Variants in CUL1 observed in about 807,000 individuals in gnomAD.
CUL1 encodes the protein cullin-1.
Under a neutral mutation model 118.0 loss-of-function variants are expected in CUL1, and 24 were observed. That is an observed-to-expected ratio of 0.20 (90% CI 0.15 to 0.29). The LOEUF is 0.29. Ranked by LOEUF, CUL1 falls within the 10% of genes least tolerant of loss-of-function variation. The pLI, the probability that CUL1 is intolerant of heterozygous loss-of-function variation, is 1.00. For synonymous variants in CUL1, 332 were observed against 340.4 expected (o/e 0.98, Z 0.27); for missense variants, 361 against 933.8 (o/e 0.39, Z 7.99).
In CUL1 at chr7:148,762,647, C is replaced by T. The variant is rs572734367; in HGVS notation, c.789+2151C>T. ...TGAAACTCTGCTGTATATGGTGATT[C>T]TTTTAAAACTATATATCCCAAAGAC... is the stretch of plus-strand genomic sequence containing the variant. On this transcript the variant is annotated intron_variant, in intron 7 of 21. Transcript: ENST00000325222. Among the ~76,000 whole-genome samples the T allele has an allele frequency of 2.2e-3, 341 of 152,352 alleles. 3 individuals carry two copies. Among genetic ancestry groups the T allele is most frequent in the Non-Finnish European group, 3.8e-3 (257 of 68,028 alleles).
chr7:148,727,472 G>A (rs1235982409), intron 1 of CUL1, among the ~76,000 whole-genome samples: 2 of 152,062 alleles, frequency 1.3e-5, no homozygotes, highest in Non-Finnish European at 2.9e-5. Context: ...AATATGTATT[G>A]AGCGGCATGC....
At chr7:148,716,749 CTTTCTTTT>C (rs1798226710) in intron 1 of CUL1, among the ~76,000 whole-genome samples, 1 of 152,306 alleles carries the variant, frequency 6.6e-6, no homozygotes, top group South Asian at 2.1e-4. Flanking sequence ...TGTGGAGGTC[CTTTCTTTT>C]TTTCTTAACA....
At chr7:148,764,262 A>G (rs921962678) in intron 7 of CUL1, among the ~76,000 whole-genome samples, 21 of 152,314 alleles carry the variant, frequency 1.4e-4, no homozygotes, top group African/African-American at 4.3e-4. Flanking sequence ...TGGTGTTCTA[A>G]TACAACAGTC....
intron 1 of CUL1, among the ~76,000 whole-genome samples, chr7:148,703,957 G>A (rs2129458802): frequency 6.6e-6 from 1 of 152,296 alleles, no homozygotes; most frequent in African/African-American, 2.4e-5. Flanking sequence ...TCAAGATGGA[G>A]AAGACCTAGA....
At chr7:148,714,918 C>T (rs1009237446) in intron 1 of CUL1, among the ~76,000 whole-genome samples, 1 of 152,146 alleles carries the variant, frequency 6.6e-6, no homozygotes, top group East Asian at 1.9e-4. Flanking sequence ...GAGGGTCTTG[C>T]CCTGTCCCTC....
At chr7:148,780,406 G>A (rs117301841) in intron 9 of CUL1, among the ~76,000 whole-genome samples, 1 of 152,304 alleles carries the variant, frequency 6.6e-6, no homozygotes, top group East Asian at 1.9e-4. Context: ...ACAATAAAAC[G>A]TTGAAAAGAA....
At chr7:148,698,863 GGGA>G (rs899971076), upstream of CUL1, 154 of 156,242 alleles carry the variant, frequency 9.9e-4, no homozygotes, top group African/African-American at 3.5e-3. Context: ...GGGCGGGCAG[GGGA>G]GGAGGAGGAG....
intron 9 of CUL1, among the ~76,000 whole-genome samples, chr7:148,779,549 G>A (rs901665462): frequency 2.0e-5 from 3 of 152,228 alleles, no homozygotes; most frequent in East Asian, 3.8e-4. Flanking sequence ...TTCTAAGAAC[G>A]AAGAAGGCAG....
At position 148,734,436 on chromosome 7, in the gene CUL1, G is replaced by GT. The variant is rs1400365998; in HGVS notation, c.140+4177dup. 2.0e-5 allele frequency among the ~76,000 whole-genome samples: 3 copies of GT among 152,226 alleles called. No individual in the cohort carries two copies. The South Asian group carries it at 6.2e-4, about 32-fold the overall frequency. On this transcript the variant is annotated intron_variant, in intron 2 of 21. Coordinates refer to ENST00000325222, the MANE Select transcript of CUL1 (RefSeq NM_003592.3). ...TTTTTGTATTTTTTGTAGATACAGG[G>GT]TTTCACCATGTTGCCCAGGCTGGTC...
intron 9 of CUL1, among the ~76,000 whole-genome samples, chr7:148,774,639 AGT>A (rs1800337684): frequency 6.6e-6 from 1 of 152,212 alleles, no homozygotes; most frequent in Admixed American, 6.5e-5. Context: ...TCAGGGCAGA[AGT>A]AGCAACAAAA....
chr7:148,754,856 C>T (rs927592648), intron 3 of CUL1, among the ~76,000 whole-genome samples: 2 of 152,014 alleles, frequency 1.3e-5, no homozygotes, highest in African/African-American at 4.8e-5. Flanking sequence ...AAACAATCCT[C>T]CCGCCTTAGC....
At chr7:148,730,433 T>G (rs1798722628) in intron 2 of CUL1, among the ~76,000 whole-genome samples, 171 bp downstream of exon 2, 1 of 152,236 alleles carries the variant, frequency 6.6e-6, no homozygotes, top group African/African-American at 2.4e-5. Flanking sequence ...CTGGTTCATT[T>G]TTAGTCAAAT....
At chr7:148,793,616 T>C (rs951631006) in intron 17 of CUL1, among the ~76,000 whole-genome samples, 20 of 152,252 alleles carry the variant, frequency 1.3e-4, no homozygotes, top group Non-Finnish European at 2.2e-4. Flanking sequence ...TGTTCTAGCA[T>C]GTGTTGGTAC....
chr7:148,773,572 C>T (rs994103614), intron 9 of CUL1, among the ~76,000 whole-genome samples: 1 of 152,184 alleles, frequency 6.6e-6, no homozygotes, highest in African/African-American at 2.4e-5. Context: ...TAGCCTCTTA[C>T]CCAGCGAGGA....
Position 148,783,951 on chromosome 7 carries a change from CTA to C in CUL1, c.1192-16_1192-15del. 1 of 1,613,872 alleles carries C rather than the reference CTA, an allele frequency of 6.2e-7. No individual in the cohort carries two copies. Among genetic ancestry groups the C allele is most frequent in the Non-Finnish European group, 8.5e-7 (1 of 1,179,794 alleles). Reference sequence around the variant, plus strand: ...GTATGGATGGGGCGTTTGTCTCTAACTATATTCCGTGTAACGCAGGCTTGTGG... The same window carrying C: ...GTATGGATGGGGCGTTTGTCTCTAACTATTCCGTGTAACGCAGGCTTGTGG... On this transcript the variant is annotated intron_variant, in intron 10 of 21. Transcript: ENST00000325222.
chr7:148,747,198 G>A (rs1039249820), intron 2 of CUL1, among the ~76,000 whole-genome samples: 1 of 152,086 alleles, frequency 6.6e-6, no homozygotes, highest in African/African-American at 2.4e-5. Context: ...GCTATCATTG[G>A]GTTTGTTTTT....
At chr7:148,753,178 A>G (rs1403900553) in intron 2 of CUL1, among the ~76,000 whole-genome samples, 18 of 152,202 alleles carry the variant, frequency 1.2e-4, no homozygotes, top group Admixed American at 1.2e-3. Context: ...AAGTATCTTT[A>G]TATAGTAAAT....
At chr7:148,712,987 C>G (rs1798098312) in intron 1 of CUL1, among the ~76,000 whole-genome samples, 1 of 152,156 alleles carries the variant, frequency 6.6e-6, no homozygotes, top group Admixed American at 6.5e-5. Context: ...AATACTTAAC[C>G]TTGTTACATT....
chr7:148,783,329 C>T (rs1350644593), intron 9 of CUL1: 2 of 985,128 alleles, frequency 2.0e-6, no homozygotes, highest in Non-Finnish European at 2.4e-6. Flanking sequence ...GGGTGGGGGC[C>T]GCAGTCAGAC....
Sources: gnomAD v4.1 joint callset for allele counts (sites outside exome capture counted in the v4.1 genomes callset) on GRCh38, gnomAD v4.1.1 for gene constraint, MANE v1.5 for transcripts, NCBI Gene and HGNC (gene_info 2026-07-23, HGNC 2026-07-21) for gene names.